Variants in ISL1 observed in about 807,000 individuals in gnomAD.
ISL1 encodes the protein insulin gene enhancer protein ISL-1.
A neutral mutation model predicts 35.3 loss-of-function variants in ISL1; 4 were observed. The observed-to-expected ratio is 0.11, with a 90% CI of 0.06 to 0.26. The LOEUF is 0.26. Among genes scored for constraint, ISL1 ranks in the 10% least tolerant of loss-of-function variants. The probability of loss-of-function intolerance (pLI) is 1.00; values close to 1 mark genes in which losing one functional copy is unlikely to be tolerated. For missense variants in ISL1, 340 were observed against 472.8 expected, an observed-to-expected ratio of 0.72 and a Z score of 2.60; for synonymous variants, 186 against 172.3, an observed-to-expected ratio of 1.08 and a Z score of -0.62.
intron 4 of ISL1, among the ~76,000 whole-genome samples, chr5:51,390,505 G>C (rs1398415063): frequency 6.6e-6 from 1 of 152,004 alleles, no homozygotes; most frequent in Non-Finnish European, 1.5e-5. Flanking sequence ...GTGAAGCCCA[G>C]GCCTCCACAG....
At chr5:51,386,466 C>T (rs1265349278) in intron 2 of ISL1, 21 of 419,872 alleles carry the variant, frequency 5.0e-5, no homozygotes, top group South Asian at 2.8e-4. Context: ...TTCCACATCT[C>T]TCCTTGGAGA....
At chr5:51,393,411 T>C (rs560829526) in intron 5 of ISL1, 83 bp from the exon 6 acceptor site, 1 of 822,188 alleles carries the variant, frequency 1.2e-6, no homozygotes, top group East Asian at 2.5e-5. Flanking sequence ...CAAACATTTC[T>C]ACATATACAA....
intron 2 of ISL1, chr5:51,386,380 G>GTGTA: frequency 8.9e-6 from 1 of 112,988 alleles, no homozygotes; most frequent in South Asian, 7.7e-5. Flanking sequence ...TCAACTCTGT[G>GTGTA]TGTGTGTGTG....
At chr5:51,386,551 C>T (rs2111839997) in intron 2 of ISL1, 1 of 455,612 alleles carries the variant, frequency 2.2e-6, no homozygotes. Flanking sequence ...AATGCCCCAG[C>T]TTCTGTTATT....
chr5:51,391,415 A>C lies in ISL1; in HGVS notation c.907A>C (p.Ile303Leu), dbSNP rs758563961. 1.1e-4 allele frequency: 180 copies of C among 1,614,084 alleles called. No individual in the cohort carries two copies. The Middle Eastern group carries it at 2.3e-3, about 21-fold the overall frequency. ...GAGCGACTTCGCCTTGCAGAGTGAC[A>C]TAGATCAGCCTGCTTTTCAGCAACT... ...VLSDFALQSD[I>L]DQPAFQQLVN... is the part of the protein sequence containing the mutation. Residue 303 changes from isoleucine to leucine, a missense_variant, in exon 5 of 6, where the codon ATA becomes CTA. Transcript: ENST00000230658.
Position 51,384,653 on chromosome 5 carries a change from G to C in ISL1, c.141G>C (p.Glu47Asp). The change falls in exon 2 of 6, where the codon GAG (glutamate) becomes GAC (aspartate). Residue 47 changes from glutamate to aspartate, a missense_variant. Physicochemically the swap from Glu to Asp is conservative, Grantham distance 45. Coordinates refer to ENST00000230658, the MANE Select transcript of ISL1 (RefSeq NM_002202.3). ...ATGCGGCATGTTTGAAATGTGCGGAGTGTAATCAGTATTTGGACGAGAGCT... is the reference window on the plus strand; with the variant it reads ...ATGCGGCATGTTTGAAATGTGCGGACTGTAATCAGTATTTGGACGAGAGCT... ...EWHAACLKCA[E>D]CNQYLDESCT... The C allele has an allele frequency of 6.2e-7, 1 of 1,614,168 alleles. No homozygotes were observed. Among genetic ancestry groups the C allele is most frequent in the South Asian group, 1.1e-5 (1 of 91,090 alleles).
At chr5:51,392,326 T>C (rs1747536705) in intron 5 of ISL1, among the ~76,000 whole-genome samples, 1 of 152,090 alleles carries the variant, frequency 6.6e-6, no homozygotes, top group Admixed American at 6.5e-5. Context: ...TCTTAAAGAG[T>C]AATCAGCCTT....
chr5:51,384,154 A>T (rs556346489), intron 1 of ISL1, among the ~76,000 whole-genome samples: 1 of 149,122 alleles, frequency 6.7e-6, no homozygotes, highest in African/African-American at 2.5e-5. Context: ...AAATATAGAC[A>T]TCCCTGCGTT....
chr5:51,393,078 A>G (rs1561209224), intron 5 of ISL1, among the ~76,000 whole-genome samples: 1 of 152,208 alleles, frequency 6.6e-6, no homozygotes, highest in Non-Finnish European at 1.5e-5. Context: ...TGAGCCTGTT[A>G]CGGATTTTCC....
Position 51,389,818 on chromosome 5 carries a change from G to A in ISL1, c.651G>A (p.Met217Ile), listed in dbSNP as rs774482622. 1 of 1,614,216 alleles carries A rather than the reference G, an allele frequency of 6.2e-7. No homozygotes were observed. The highest frequency in any genetic ancestry group is 1.1e-5 in the South Asian group (1 of 91,086). ...TCATGAAGGAGCAACTGGTAGAGAT[G>A]ACGGGCCTCAGTCCCCGTGTGATCC... ...DALMKEQLVE[M>I]TGLSPRVIRV... Residue 217 changes from methionine to isoleucine, a missense_variant, in exon 4 of 6, where the codon ATG becomes ATA. By Grantham distance (10) the Met-to-Ile change is conservative (BLOSUM62 1). Transcript: ENST00000230658. The surrounding 1 kb of genome is among the most constrained non-coding windows in gnomAD (Gnocchi z 5.0).
intron 1 of ISL1, 126 bp from the exon 2 acceptor site, chr5:51,384,415 A>AAGAAAG: frequency 1.3e-6 from 1 of 782,994 alleles, no homozygotes; most frequent in East Asian, 2.6e-5. Context: ...AAAAAAAAAA[A>AAGAAAG]AAAGAAAGAA....
At chr5:51,388,426 T>G (rs1747406322) in intron 3 of ISL1, among the ~76,000 whole-genome samples, 1 of 152,154 alleles carries the variant, frequency 6.6e-6, no homozygotes, top group Admixed American at 6.5e-5. Context: ...TGGTGAGAAT[T>G]TCATCTTCAG....
In ISL1 at chr5:51,387,730, G is replaced by T. The variant is rs368770808; in HGVS notation, c.459G>T (p.Ala153=). 2.6e-5 allele frequency: 42 copies of T among 1,614,186 alleles called. No individual in the cohort carries two copies. Among genetic ancestry groups the T allele is most frequent in the Non-Finnish European group, 3.3e-5 (39 of 1,180,048 alleles). Residue 153 remains alanine, a synonymous_variant, in exon 3 of 6, where the codon GCG becomes GCT. Transcript: ENST00000230658. This position sits in a 1 kb window ranked among gnomAD's most constrained non-coding sequence, Gnocchi z 4.3. ...AGDPLSPLHP[A]RPLQMAAEPI... ...ACCCGCTCAGTCCCCTGCATCCAGC[G>T]CGGCCACTGCAAATGGCAGGTACTC... is the stretch of plus-strand genomic sequence containing the variant.
At chr5:51,385,433 G>A (rs768877594) in intron 2 of ISL1, among the ~76,000 whole-genome samples, 97 of 152,220 alleles carry the variant, frequency 6.4e-4, no homozygotes, top group Non-Finnish European at 1.1e-3. Flanking sequence ...ATCTGTCTAC[G>A]AACAATTGGT....
In ISL1 at chr5:51,389,245, G is replaced by A. The variant is rs547987176; in HGVS notation, c.479-401G>A. On this transcript the variant is annotated intron_variant, in intron 3 of 5. Coordinates refer to ENST00000230658, the MANE Select transcript of ISL1 (RefSeq NM_002202.3). The surrounding 1 kb of genome is among the most constrained non-coding windows in gnomAD (Gnocchi z 5.0). ...TCAATGTAACTGGGGCCCAGTCTGG[G>A]CACAAGGAAAGGTGAGAATGGAGGA... 3.2e-4 allele frequency among the ~76,000 whole-genome samples: 49 copies of A among 152,128 alleles called. No individual in the cohort carries two copies. Among genetic ancestry groups the A allele is most frequent in the Admixed American group, 7.9e-4 (12 of 15,278 alleles).
At position 51,383,572 on chromosome 5, in the gene ISL1, A is replaced by G; in HGVS notation, c.-100A>G. 9.6e-7 allele frequency: 1 copy of G among 1,040,042 alleles called. No homozygotes were observed. Among genetic ancestry groups the G allele is most frequent in the African/African-American group, 1.6e-5 (1 of 63,872 alleles). 64.4% of individuals were successfully genotyped at this position (1,040,042 alleles called of 1,614,324 possible). ...TTCAGCATTGGCAACCCCAGGGGCC[A>G]ATATTTCCCACTTAGCCACAGCTCC... On this transcript the variant is annotated 5_prime_UTR_variant, in exon 1 of 6. Transcript: ENST00000230658.
chr5:51,391,106 A>G (rs2111853620), intron 4 of ISL1, among the ~76,000 whole-genome samples, 168 bp from the exon 5 acceptor site: 1 of 152,324 alleles, frequency 6.6e-6, no homozygotes, highest in East Asian at 1.9e-4. Flanking sequence ...ACAATAAAAC[A>G]AATTGAATTC....
intron 1 of ISL1, 125 bp from the exon 2 acceptor site, chr5:51,384,416 A>G (rs2111834082): frequency 1.3e-6 from 1 of 770,650 alleles, no homozygotes; most frequent in Non-Finnish European, 2.1e-6. Context: ...AAAAAAAAAA[A>G]AAGAAAGAAA....
chr5:51,391,030 G>A (rs1747500929), intron 4 of ISL1, among the ~76,000 whole-genome samples: 1 of 152,076 alleles, frequency 6.6e-6, no homozygotes, highest in Admixed American at 6.5e-5. Context: ...GAAAATCAAA[G>A]TAGAATTTGG....
Sources: gnomAD v4.1 joint callset for allele counts (sites outside exome capture counted in the v4.1 genomes callset) on GRCh38, gnomAD v4.1.1 for gene constraint, Gnocchi (gnomAD v3.1) non-coding constraint, MANE v1.5 for transcripts, NCBI Gene and HGNC (gene_info 2026-07-23, HGNC 2026-07-21) for gene names.